Variants in C18orf63 observed in about 807,000 individuals in gnomAD.
The protein encoded by C18orf63 is chromosome 18 open reading frame 63.
A neutral mutation model predicts 75.3 loss-of-function variants in C18orf63; 50 were observed. The ratio of observed to expected loss-of-function variants is 0.66; its 90% CI spans 0.53 to 0.84. The LOEUF is 0.84. C18orf63 is among the 40% of genes least tolerant of loss of function. The probability of loss-of-function intolerance (pLI) is 0.00; values close to 1 mark genes in which losing one functional copy is unlikely to be tolerated. For synonymous variants in C18orf63, 232 were observed against 267.6 expected, an observed-to-expected ratio of 0.87 and a Z score of 1.30; for missense variants, 732 against 800.2, an observed-to-expected ratio of 0.91 and a Z score of 1.03.
chr18:74,321,331 A>G (rs1178135951), intron 3 of C18orf63, among the ~76,000 whole-genome samples: 1 of 145,310 alleles, frequency 6.9e-6, no homozygotes, highest in Non-Finnish European at 1.5e-5. Flanking sequence ...TTGAGACAGG[A>G]TATGGCTCTC....
rs1211315934 is a variant in C18orf63 at position 74,344,364 on chromosome 18, T to TTCGTTTTTATCAACTAAGTA, written c.978+663_978+664insCGTTTTTATCAACTAAGTAT. 1.0e-3 allele frequency among the ~76,000 whole-genome samples: 150 copies of TTCGTTTTTATCAACTAAGTA among 148,814 alleles called. 1 individual carries two copies. The highest frequency in any genetic ancestry group is 3.6e-3 in the African/African-American group (138 of 38,434). On this transcript the variant is annotated intron_variant, in intron 11 of 13. Coordinates refer to ENST00000579455, the MANE Select transcript of C18orf63 (RefSeq NM_001174123.2). ...GGAGGGAGGGTGTTTTCTACTGAGTTTGTCTCCTCTGCATTTTTAAAATCT... is the reference window on the plus strand; with the variant it reads ...GGAGGGAGGGTGTTTTCTACTGAGTTTCGTTTTTATCAACTAAGTATGTCTCCTCTGCATTTTTAAAATCT...
chr18:74,338,565 T>C (rs556062288), intron 7 of C18orf63, 150 bp from the exon 8 acceptor site: 2 of 394,064 alleles, frequency 5.1e-6, no homozygotes, highest in East Asian at 3.6e-5. Context: ...TGACTACTTA[T>C]GTAAAGTGGT....
intron 10 of C18orf63, 77 bp from the exon 11 acceptor site, chr18:74,343,442 T>C (rs1007716813): frequency 4.6e-6 from 4 of 871,820 alleles, no homozygotes; most frequent in Admixed American, 3.1e-5. Context: ...ATTGCTACTT[T>C]ACTACTTTTT....
chr18:74,326,319 G>C (rs965423485), intron 4 of C18orf63, among the ~76,000 whole-genome samples: 3 of 152,204 alleles, frequency 2.0e-5, no homozygotes, highest in Non-Finnish European at 4.4e-5. Context: ...TCATGCTTCT[G>C]CATGTCCTTT....
intron 4 of C18orf63, 59 bp downstream of exon 4, chr18:74,322,813 C>A: frequency 1.7e-6 from 1 of 573,028 alleles, no homozygotes; most frequent in Non-Finnish European, 2.7e-6. Flanking sequence ...ATACGTTCCA[C>A]TCCTTTTGTC....
At chr18:74,346,069 A>G (rs1264960811) in intron 11 of C18orf63, among the ~76,000 whole-genome samples, 1 of 151,958 alleles carries the variant, frequency 6.6e-6, no homozygotes, top group African/African-American at 2.4e-5. Context: ...TATTAAATAT[A>G]TATTCTTTAA....
At chr18:74,322,823 CAACA>C in intron 4 of C18orf63, 69 bp downstream of exon 4, 2 of 524,092 alleles carry the variant, frequency 3.8e-6, no homozygotes, top group Non-Finnish European at 6.0e-6. Flanking sequence ...CTCCTTTTGT[CAACA>C]AACAAAAACT....
rs1384807098 is a variant in C18orf63, at chr18:74,343,625, C to T, written c.901C>T (p.His301Tyr). 16 of 1,534,436 alleles carry T rather than the reference C, an allele frequency of 1.0e-5. No homozygotes were observed. The highest frequency in any genetic ancestry group is 1.4e-5 in the Non-Finnish European group (16 of 1,145,676). Residue 301 changes from histidine (H) to tyrosine (Y), a missense_variant, in exon 11 of 14, where the codon CAT (histidine) becomes TAT (tyrosine). By Grantham distance (83) the His-to-Tyr change is moderately conservative. Transcript: ENST00000579455. ...TTCAGATTTAAAATCTAAACTGCCC[C>T]ATATATGTGGATTTCCCATAAAGAT... ...FLSDLKSKLPHICGFPIKMTS... is the reference protein window; with the variant it reads ...FLSDLKSKLPYICGFPIKMTS...
rs1276115302 is a variant in C18orf63 at position 74,356,863 on chromosome 18, A to G, written c.*416A>G. Reference sequence around the variant, plus strand: ...TACCTATCACCCAGATCTACCAGTTATTAATATTTTGCCACTGTTTCATCT... The same window carrying G: ...TACCTATCACCCAGATCTACCAGTTGTTAATATTTTGCCACTGTTTCATCT... On this transcript the variant is annotated 3_prime_UTR_variant, in exon 14 of 14. Transcript: ENST00000579455. 1 of 152,182 alleles carries G rather than the reference A, an allele frequency of 6.6e-6. No individual in the cohort carries two copies. The highest frequency in any genetic ancestry group is 1.5e-5 in the Non-Finnish European group (1 of 68,036). 9.4% of individuals were successfully genotyped at this position (152,182 alleles called of 1,614,324 possible). A position where few individuals can be genotyped will look rare whatever the true frequency, so the allele number is the denominator to read the frequency against.
chr18:74,316,632 G>T (rs1211542094), intron 1 of C18orf63, among the ~76,000 whole-genome samples: 2 of 152,158 alleles, frequency 1.3e-5, no homozygotes, highest in Non-Finnish European at 2.9e-5. Context: ...TCCTTGCCCT[G>T]CTGGGGATTG....
intron 11 of C18orf63, among the ~76,000 whole-genome samples, chr18:74,349,335 C>A (rs1359893195): frequency 6.6e-6 from 1 of 152,114 alleles, no homozygotes; most frequent in African/African-American, 2.4e-5. Flanking sequence ...TGCAGAGAAA[C>A]CTTGCATAGG....
chr18:74,316,210 CG>C (rs1013410884), intron 1 of C18orf63, 101 bp downstream of exon 1: 42 of 152,184 alleles, frequency 2.8e-4, no homozygotes, highest in African/African-American at 9.9e-4. Context: ...ACCCTGAGGA[CG>C]TTGGTTTGGG....
chr18:74,334,627 C>G (rs544549302), intron 7 of C18orf63, among the ~76,000 whole-genome samples: 2 of 151,948 alleles, frequency 1.3e-5, no homozygotes, highest in Non-Finnish European at 2.9e-5. Flanking sequence ...TTTTTTCTTT[C>G]ATAGTTATTA....
intron 11 of C18orf63, among the ~76,000 whole-genome samples, chr18:74,345,472 G>A (rs975902550): frequency 2.0e-5 from 3 of 151,888 alleles, no homozygotes; most frequent in Admixed American, 2.0e-4. Flanking sequence ...AAGTCATGAA[G>A]GTATTCGCCT....
intron 7 of C18orf63, among the ~76,000 whole-genome samples, chr18:74,337,160 TAA>T (rs1376336992): frequency 6.6e-6 from 1 of 152,160 alleles, no homozygotes; most frequent in Non-Finnish European, 1.5e-5. Context: ...ATTGGCGTTA[TAA>T]GGAGAAAATA....
rs556850742 is a variant in C18orf63, at chr18:74,325,340, C to T, written c.270+2586C>T. On this transcript the variant is annotated intron_variant, in intron 4 of 13. Coordinates refer to ENST00000579455, the MANE Select transcript of C18orf63 (RefSeq NM_001174123.2). ...AGTTTCCAAATATTTGAGGATTTTCCAGGGATCTTTTTGCTGTTGATTTCC... is the reference window on the plus strand; with the variant it reads ...AGTTTCCAAATATTTGAGGATTTTCTAGGGATCTTTTTGCTGTTGATTTCC... Among the ~76,000 whole-genome samples the T allele has an allele frequency of 4.5e-4, 68 of 152,086 alleles. 2 individuals carry two copies. In the South Asian group the frequency reaches 0.013, roughly 30 times the overall value.
At chr18:74,316,346 G>A (rs1404531815) in intron 1 of C18orf63, among the ~76,000 whole-genome samples, 1 of 152,132 alleles carries the variant, frequency 6.6e-6, no homozygotes, top group Non-Finnish European at 1.5e-5. Context: ...CCTTAGATTC[G>A]TTTCCACTCA....
chr18:74,322,531 A>G (rs1266946876), intron 3 of C18orf63, among the ~76,000 whole-genome samples, 167 bp from the exon 4 acceptor site: 1 of 152,216 alleles, frequency 6.6e-6, no homozygotes, highest in Non-Finnish European at 1.5e-5. Flanking sequence ...CACAGATTCC[A>G]ATTCAGGGAG....
In C18orf63 at chr18:74,328,249, G is replaced by A. The variant is rs73468638; in HGVS notation, c.382+191G>A. 5.5e-3 allele frequency among the ~76,000 whole-genome samples: 844 copies of A among 152,304 alleles called. 7 individuals are homozygous for A. Among genetic ancestry groups the A allele is most frequent in the African/African-American group, 0.02 (812 of 41,560 alleles). Reference sequence around the variant, plus strand: ...AATCATGGCGGAAGATGAAGGAAAAGCAAAGGGACATCTTACTTGGCAGCA... The same window carrying A: ...AATCATGGCGGAAGATGAAGGAAAAACAAAGGGACATCTTACTTGGCAGCA... On this transcript the variant is annotated intron_variant, in intron 5 of 13. Coordinates refer to ENST00000579455, the MANE Select transcript of C18orf63 (RefSeq NM_001174123.2).
Sources: allele counts gnomAD v4.1 joint callset (sites outside exome capture counted in the v4.1 genomes callset), GRCh38; gene constraint gnomAD v4.1.1; transcripts MANE v1.5; gene names NCBI Gene and HGNC (gene_info 2026-07-23, HGNC 2026-07-21).